Variants in CPNE4 observed in about 807,000 individuals in gnomAD.
CPNE4 encodes the protein copine-4.
CPNE4 carries 25 observed loss-of-function variants against 67.9 expected under a neutral mutation model. The observed-to-expected ratio is 0.37, with a 90% confidence interval of 0.27 to 0.51. The LOEUF (loss-of-function observed/expected upper bound fraction) is 0.51, where lower values mean the gene tolerates loss of function less well. Ranked by LOEUF, CPNE4 falls within the 20% of genes least tolerant of loss-of-function variation. The probability of loss-of-function intolerance (pLI) is 0.93; values close to 1 mark genes in which losing one functional copy is unlikely to be tolerated. For synonymous variants in CPNE4, 242 were observed against 244.9 expected (o/e 0.99, Z 0.11); for missense variants, 464 against 690.8 (o/e 0.67, Z 3.68).
At chr3:131,626,226 CA>C (rs2079069607) in intron 7 of CPNE4, among the ~76,000 whole-genome samples, 1 of 152,190 alleles carries the variant, frequency 6.6e-6, no homozygotes, top group African/African-American at 2.4e-5. Flanking sequence ...ACATGTCTCT[CA>C]CTTTAAATCA....
At chr3:131,770,884 C>T (rs2083149071) in intron 2 of CPNE4, among the ~76,000 whole-genome samples, 1 of 152,140 alleles carries the variant, frequency 6.6e-6, no homozygotes, top group African/African-American at 2.4e-5. Context: ...AAGCTATGTG[C>T]TAGAGTTGTG....
At chr3:131,581,079 A>C (rs1937802260) in intron 9 of CPNE4, among the ~76,000 whole-genome samples, 1 of 152,166 alleles carries the variant, frequency 6.6e-6, no homozygotes, top group Admixed American at 6.5e-5. Flanking sequence ...AGGCTGAGGC[A>C]GAAGAATCAC....
At chr3:132,020,846 C>T (rs75203257) in intron 1 of CPNE4, among the ~76,000 whole-genome samples, 3,372 of 152,298 alleles carry the variant, frequency 0.022, 128 homozygotes, top group African/African-American at 0.073. Context: ...CACCCGCACA[C>T]GAGGAAGTCT....
chr3:131,842,531 G>C (rs1251821458), intron 2 of CPNE4, among the ~76,000 whole-genome samples: 1 of 152,060 alleles, frequency 6.6e-6, no homozygotes, highest in Non-Finnish European at 1.5e-5. Flanking sequence ...TCCTTGAGAG[G>C]GGAGAATCAC....
At chr3:131,580,418 A>ATG (rs199796435) in intron 9 of CPNE4, among the ~76,000 whole-genome samples, 1 of 128,902 alleles carries the variant, frequency 7.8e-6, no homozygotes, top group African/African-American at 3.6e-5. Flanking sequence ...ATACATATAC[A>ATG]TATACATATA....
intron 7 of CPNE4, among the ~76,000 whole-genome samples, chr3:131,638,920 C>G (rs1213377234): frequency 6.6e-6 from 1 of 151,860 alleles, no homozygotes; most frequent in African/African-American, 2.4e-5. Context: ...TCCAAATGAT[C>G]AACAATGAAA....
intron 2 of CPNE4, among the ~76,000 whole-genome samples, chr3:131,897,092 G>A (rs1021342060): frequency 6.6e-5 from 10 of 152,176 alleles, no homozygotes; most frequent in South Asian, 4.1e-4. Context: ...GAATAATTTG[G>A]ATGCCTAGAA....
chr3:131,784,120 C>G (rs2083494371), intron 2 of CPNE4, among the ~76,000 whole-genome samples: 1 of 152,028 alleles, frequency 6.6e-6, no homozygotes, highest in African/African-American at 2.4e-5. Flanking sequence ...GTCATAGACT[C>G]TCAGGGTTGG....
chr3:131,990,583 A>T (rs2073154731), intron 1 of CPNE4, among the ~76,000 whole-genome samples: 1 of 136,686 alleles, frequency 7.3e-6, no homozygotes, highest in South Asian at 2.5e-4. Context: ...CATAATACGT[A>T]TAGAATAAAA....
At chr3:131,978,117 TATAA>T (rs1332141669) in intron 1 of CPNE4, among the ~76,000 whole-genome samples, 5 of 76,368 alleles carry the variant, frequency 6.5e-5, no homozygotes, top group African/African-American at 1.1e-4. Flanking sequence ...ATAAAATATA[TATAA>T]ATATATATAT....
chr3:131,895,953 A>T (rs1276899058), intron 2 of CPNE4, among the ~76,000 whole-genome samples: 2 of 151,964 alleles, frequency 1.3e-5, no homozygotes, highest in Non-Finnish European at 2.9e-5. Context: ...CGGCCAGGGG[A>T]TCACGCCTAT....
Position 131,535,038 on chromosome 3 carries a change from CA to C in CPNE4, c.*156del. The C allele has an allele frequency of 2.3e-4, 155 of 674,466 alleles. No individual in the cohort carries two copies. Among genetic ancestry groups the C allele is most frequent in the Middle Eastern group, 8.8e-4 (2 of 2,274 alleles). 41.8% of individuals were successfully genotyped at this position (674,466 alleles called of 1,614,324 possible). A position where few individuals can be genotyped will look rare whatever the true frequency, so the allele number is the denominator to read the frequency against. ...GATCCAGGCCTCAGGGCTACACATG[CA>C]AAAAAAATTGTCAGATAGTTAAAAA... On this transcript the variant is annotated 3_prime_UTR_variant, in exon 16 of 16. Coordinates refer to ENST00000429747, the MANE Select transcript of CPNE4 (RefSeq NM_130808.3).
At position 131,570,726 on chromosome 3, in the gene CPNE4, C is replaced by T. The variant is rs1039434679; in HGVS notation, c.927+4345G>A. Among the ~76,000 whole-genome samples the T allele has an allele frequency of 2.6e-5, 4 of 151,882 alleles. No homozygotes were observed. The East Asian group carries it at 5.8e-4, about 22-fold the overall frequency. ...TGTCTTCAGGAGTGCCCTTGACCTC[C>T]CAAAATTGCATGCAAAACTGGATGT... is the stretch of plus-strand genomic sequence containing the variant. On this transcript the variant is annotated intron_variant, in intron 10 of 15. Transcript: ENST00000429747.
intron 9 of CPNE4, among the ~76,000 whole-genome samples, chr3:131,577,848 G>A (rs894636503): frequency 6.6e-6 from 1 of 152,108 alleles, no homozygotes; most frequent in Non-Finnish European, 1.5e-5. Flanking sequence ...TCTTATGGGA[G>A]TACTGTCATA....
intron 1 of CPNE4, among the ~76,000 whole-genome samples, chr3:131,929,905 A>G (rs1235270155): frequency 6.6e-6 from 1 of 152,170 alleles, no homozygotes; most frequent in East Asian, 1.9e-4. Flanking sequence ...AGGAAGTACT[A>G]TTCTATTGTG....
intron 2 of CPNE4, among the ~76,000 whole-genome samples, chr3:131,825,942 T>C (rs2085141085): frequency 1.3e-5 from 2 of 152,218 alleles, no homozygotes; most frequent in African/African-American, 2.4e-5. Flanking sequence ...TGCCCTTGGG[T>C]CTTTATAGGC....
chr3:131,758,772 G>A (rs1178588180), intron 2 of CPNE4, among the ~76,000 whole-genome samples: 1 of 152,028 alleles, frequency 6.6e-6, no homozygotes, highest in Non-Finnish European at 1.5e-5. Context: ...GAATCACGGG[G>A]GCTGGTCTTT....
In CPNE4 at chr3:131,862,448, G is replaced by A. The variant is rs78913282; in HGVS notation, c.180+42816C>T. Among the ~76,000 whole-genome samples, 933 of 152,108 alleles carry A rather than the reference G, an allele frequency of 6.1e-3. 10 individuals carry two copies. The highest frequency in any genetic ancestry group is 0.021 in the African/African-American group (873 of 41,490). ...TTCTATTTTCAAAATATCCTACCAG[G>A]TTCTTCAGTGGTTTCCTTACCTCTG... On this transcript the variant is annotated intron_variant, in intron 2 of 15. Transcript: ENST00000429747.
chr3:131,881,029 C>CA (rs1231291433), intron 2 of CPNE4, among the ~76,000 whole-genome samples: 5 of 152,116 alleles, frequency 3.3e-5, no homozygotes, highest in Non-Finnish European at 7.4e-5. Context: ...GCCCGGTACT[C>CA]ACAGCTGAGC....
Sources: allele counts gnomAD v4.1 joint callset (sites outside exome capture counted in the v4.1 genomes callset), GRCh38; gene constraint gnomAD v4.1.1; transcripts MANE v1.5; gene names NCBI Gene and HGNC (gene_info 2026-07-23, HGNC 2026-07-21).